SPMIP2: variants seen among roughly 807,000 people sequenced by gnomAD.
SPMIP2 encodes protein SPMIP2.
the SPMIP2 span, among the ~76,000 whole-genome samples, chr4:158,935,256 C>T: frequency 6.6e-6 from 1 of 152,132 alleles, no homozygotes; most frequent in Non-Finnish European, 1.5e-5. Context: ...TTCCTGCCTC[C>T]ACCTCCACAC....
chr4:158,985,623 G>T, the SPMIP2 span, among the ~76,000 whole-genome samples: 15 of 152,174 alleles, frequency 9.9e-5, no homozygotes, highest in Non-Finnish European at 1.5e-4. Flanking sequence ...AGGTATTGAT[G>T]AGACGTATCT....
chr4:158,914,734 G>A, the SPMIP2 span, among the ~76,000 whole-genome samples: 1 of 152,128 alleles, frequency 6.6e-6, no homozygotes, highest in Admixed American at 6.5e-5. Context: ...ACCCATACAG[G>A]GAAATTATGC....
At chr4:158,896,147 C>T in the SPMIP2 span, among the ~76,000 whole-genome samples, 1 of 152,140 alleles carries the variant, frequency 6.6e-6, no homozygotes, top group African/African-American at 2.4e-5. Context: ...AAATTTAATC[C>T]CACACTGCCC....
chr4:158,958,359 A>G, the SPMIP2 span, among the ~76,000 whole-genome samples: 100,768 of 151,982 alleles, frequency 0.66, 33,607 homozygotes, highest in South Asian at 0.8. Flanking sequence ...CAAACTCCTG[A>G]CCTCAATTGA....
the SPMIP2 span, among the ~76,000 whole-genome samples, chr4:158,997,011 C>G: frequency 6.6e-6 from 1 of 152,072 alleles, no homozygotes; most frequent in Non-Finnish European, 1.5e-5. Context: ...GTGTGCTGGC[C>G]TCTGGGTAGT....
At chr4:159,052,702 C>T in the SPMIP2 span, among the ~76,000 whole-genome samples, 9 of 151,224 alleles carry the variant, frequency 6.0e-5, 1 homozygote, top group South Asian at 4.2e-4. Flanking sequence ...GGTGCGATCT[C>T]GGCTCACTGC....
the SPMIP2 span, among the ~76,000 whole-genome samples, chr4:158,983,442 A>G: frequency 6.6e-6 from 1 of 151,938 alleles, no homozygotes; most frequent in African/African-American, 2.4e-5. Context: ...AGGGAAGCCC[A>G]TCAGGCTAAC....
At chr4:158,898,746 G>C in the SPMIP2 span, among the ~76,000 whole-genome samples, 1 of 150,978 alleles carries the variant, frequency 6.6e-6, no homozygotes, top group Non-Finnish European at 1.5e-5. Flanking sequence ...TGAAATGTTG[G>C]GGTTTTCCAA....
At chr4:158,987,930 C>T in the SPMIP2 span, among the ~76,000 whole-genome samples, 4 of 151,784 alleles carry the variant, frequency 2.6e-5, no homozygotes, top group African/African-American at 7.3e-5. Context: ...ACACAAAAAA[C>T]CCTTCAAAAA....
chr4:158,996,648 A>G, the SPMIP2 span, among the ~76,000 whole-genome samples: 1 of 152,320 alleles, frequency 6.6e-6, no homozygotes, highest in Non-Finnish European at 1.5e-5. Context: ...TGTCTTCGGA[A>G]TCACAGGCTT....
chr4:158,930,952 A>C, the SPMIP2 span, among the ~76,000 whole-genome samples: 1 of 152,166 alleles, frequency 6.6e-6, no homozygotes, highest in African/African-American at 2.4e-5. Flanking sequence ...TATATAGATT[A>C]CTGTTTTTCA....
the SPMIP2 span, among the ~76,000 whole-genome samples, chr4:159,063,934 T>C: frequency 6.6e-5 from 10 of 152,240 alleles, no homozygotes; most frequent in Admixed American, 6.5e-4. Context: ...GAGGAAATTT[T>C]AAGATACTTC....
the SPMIP2 span, among the ~76,000 whole-genome samples, chr4:159,036,631 T>A: frequency 3.3e-5 from 5 of 152,224 alleles, no homozygotes; most frequent in African/African-American, 1.2e-4. Flanking sequence ...TAAGCACATA[T>A]GCACAAATGT....
the SPMIP2 span, chr4:159,038,854 C>T: frequency 2.0e-5 from 3 of 152,280 alleles, no homozygotes; most frequent in African/African-American, 7.2e-5. Context: ...AGCACTGTGC[C>T]TAGCAAAAAT....
chr4:159,012,841 G>A, the SPMIP2 span, among the ~76,000 whole-genome samples: 3 of 151,332 alleles, frequency 2.0e-5, no homozygotes, highest in Non-Finnish European at 4.4e-5. Context: ...CCAAATTGCA[G>A]GGATTATAGG....
At chr4:158,989,399 C>A in the SPMIP2 span, among the ~76,000 whole-genome samples, 1 of 152,018 alleles carries the variant, frequency 6.6e-6, no homozygotes, top group Non-Finnish European at 1.5e-5. Context: ...TCATATGAAA[C>A]CAAAAAAGAG....
chr4:158,926,115 TA>T, the SPMIP2 span, among the ~76,000 whole-genome samples: 5 of 152,254 alleles, frequency 3.3e-5, no homozygotes, highest in African/African-American at 1.2e-4. Flanking sequence ...TCAGTCTCAC[TA>T]ATGTTTTGTC....
the SPMIP2 span, among the ~76,000 whole-genome samples, chr4:159,004,017 GTTGTT>G: frequency 2.0e-5 from 3 of 151,990 alleles, no homozygotes; most frequent in Admixed American, 6.6e-5. Context: ...TTTTTTTGTT[GTTGTT>G]TTGTTTTATT....
chr4:158,900,297 C>T, the SPMIP2 span, among the ~76,000 whole-genome samples: 1 of 152,168 alleles, frequency 6.6e-6, no homozygotes, highest in Non-Finnish European at 1.5e-5. Context: ...TGATGAGGTG[C>T]TGAGAAGAAT....
Sources: gnomAD v4.1 joint callset for allele counts (sites outside exome capture counted in the v4.1 genomes callset) on GRCh38, gnomAD v4.1.1 for gene constraint, MANE v1.5 for transcripts, NCBI Gene and HGNC (gene_info 2026-07-23, HGNC 2026-07-21) for gene names.